MAN1A1: variants seen among roughly 807,000 people sequenced by gnomAD.
MAN1A1 encodes mannosyl-oligosaccharide 1,2-alpha-mannosidase IA.
Under a neutral mutation model 70.8 loss-of-function variants are expected in MAN1A1, and 29 were observed. The observed-to-expected ratio is 0.41, with a 90% CI of 0.31 to 0.56. MAN1A1 has a LOEUF of 0.56. Among genes scored for constraint, MAN1A1 ranks in the 20% least tolerant of loss-of-function variants. The pLI is 0.29. For synonymous variants in MAN1A1, 349 were observed against 330.1 expected (o/e 1.06, Z -0.62); for missense variants, 747 against 841.3 (o/e 0.89, Z 1.39).
intron 2 of MAN1A1, among the ~76,000 whole-genome samples, chr6:119,308,352 A>C (rs1358993516): frequency 6.6e-6 from 1 of 152,216 alleles, no homozygotes; most frequent in Non-Finnish European, 1.5e-5. Context: ...AACAATCAAA[A>C]GAATGTGTAT....
chr6:119,276,576 G>A (rs1025027171), intron 5 of MAN1A1, among the ~76,000 whole-genome samples: 4 of 152,088 alleles, frequency 2.6e-5, no homozygotes, highest in Admixed American at 6.6e-5. Context: ...AGCATTAGAC[G>A]GCAGAAACTC....
At chr6:119,340,775 C>T (rs867374329) in intron 2 of MAN1A1, among the ~76,000 whole-genome samples, 3 of 152,164 alleles carry the variant, frequency 2.0e-5, no homozygotes, top group Non-Finnish European at 2.9e-5. Flanking sequence ...CAAGACAGGA[C>T]GATCTAATTA....
At chr6:119,347,171 T>C (rs1773751603) in intron 2 of MAN1A1, among the ~76,000 whole-genome samples, 1 of 152,212 alleles carries the variant, frequency 6.6e-6, no homozygotes, top group Non-Finnish European at 1.5e-5. Context: ...AAGTCCACTT[T>C]AACTTGCTCA....
intron 12 of MAN1A1, 27 bp from the exon 13 acceptor site, chr6:119,179,972 G>C: frequency 1.2e-6 from 2 of 1,610,050 alleles, no homozygotes; most frequent in Non-Finnish European, 1.7e-6. Flanking sequence ...AAGTATATGA[G>C]GCCCAAGACA....
intron 7 of MAN1A1, 133 bp downstream of exon 7, chr6:119,204,626 T>C (rs1773807147): frequency 6.3e-6 from 7 of 1,105,616 alleles, no homozygotes; most frequent in African/African-American, 1.6e-5. Flanking sequence ...ATGCTGCATG[T>C]TGCAAAACTT....
chr6:119,300,046 A>C lies in MAN1A1; in HGVS notation c.816+1942T>G, dbSNP rs1477922579. Among the ~76,000 whole-genome samples the C allele has an allele frequency of 2.6e-5, 4 of 152,158 alleles. No individual in the cohort carries two copies. In the East Asian group the frequency reaches 5.8e-4, roughly 22 times the overall value. On this transcript the variant is annotated intron_variant, in intron 4 of 12. Transcript: ENST00000368468. ...CCAAGATTCAGTAAGAAACTTGGAC[A>C]CTATTCATAAGTCAAGTGTTACTAA...
chr6:119,247,272 A>G lies in MAN1A1; in HGVS notation c.992+988T>C, dbSNP rs371082392. On this transcript the variant is annotated intron_variant, in intron 6 of 12. Coordinates refer to ENST00000368468, the MANE Select transcript of MAN1A1 (RefSeq NM_005907.4). ...CATATGCATCGATGTGCGTATAGAC[A>G]TCTAAGTACATATTCTAGCTCTACC... Among the ~76,000 whole-genome samples, 7 of 152,218 alleles carry G rather than the reference A, an allele frequency of 4.6e-5. No individual in the cohort carries two copies. In the South Asian group the frequency reaches 1.2e-3, roughly 27 times the overall value.
At chr6:119,266,770 T>C (rs1174693284) in intron 5 of MAN1A1, among the ~76,000 whole-genome samples, 1 of 152,126 alleles carries the variant, frequency 6.6e-6, no homozygotes. Context: ...AAAACTGCTC[T>C]GCAAAAGACA....
intron 2 of MAN1A1, among the ~76,000 whole-genome samples, chr6:119,334,816 A>C (rs1773410725): frequency 1.3e-5 from 2 of 152,218 alleles, no homozygotes. Context: ...TTATCTCTGA[A>C]TGAAACATTT....
intron 5 of MAN1A1, among the ~76,000 whole-genome samples, chr6:119,265,341 T>C (rs9489643): frequency 0.055 from 8,403 of 152,138 alleles, 334 homozygotes; most frequent in African/African-American, 0.1. Flanking sequence ...CCAAGTGATC[T>C]TCCTGCCTTG....
intron 3 of MAN1A1, among the ~76,000 whole-genome samples, chr6:119,302,891 C>A (rs1772431368): frequency 1.3e-5 from 2 of 152,194 alleles, no homozygotes; most frequent in South Asian, 2.1e-4. Context: ...TACCCTCCAT[C>A]CCCTACAAGT....
chr6:119,188,696 G>C, intron 10 of MAN1A1, 119 bp from the exon 11 acceptor site: 1 of 912,414 alleles, frequency 1.1e-6, no homozygotes, highest in Admixed American at 2.4e-5. Flanking sequence ...ACTGGTTCCA[G>C]GACCCTCCGA....
intron 11 of MAN1A1, among the ~76,000 whole-genome samples, chr6:119,183,900 C>A (rs935715766): frequency 6.6e-6 from 1 of 151,568 alleles, no homozygotes; most frequent in African/African-American, 2.4e-5. Context: ...TGGGGTTGTA[C>A]GTGAGAATAA....
chr6:119,253,247 TCTG>T (rs1375456257), intron 5 of MAN1A1, among the ~76,000 whole-genome samples: 1 of 152,106 alleles, frequency 6.6e-6, no homozygotes, highest in East Asian at 1.9e-4. Context: ...TGTTTGGTGG[TCTG>T]CTGCCGGTGA....
chr6:119,256,952 T>C (rs961952756), intron 5 of MAN1A1, among the ~76,000 whole-genome samples: 5 of 152,086 alleles, frequency 3.3e-5, no homozygotes, highest in African/African-American at 1.2e-4. Flanking sequence ...TAAAACCATA[T>C]AAGCATAAGA....
chr6:119,280,275 A>G (rs1776195773), intron 5 of MAN1A1, among the ~76,000 whole-genome samples: 1 of 152,248 alleles, frequency 6.6e-6, no homozygotes, highest in Non-Finnish European at 1.5e-5. Flanking sequence ...GCTGGGAGCC[A>G]GAATGCCCAA....
chr6:119,226,891 G>A (rs1774531238), intron 6 of MAN1A1, among the ~76,000 whole-genome samples: 1 of 152,032 alleles, frequency 6.6e-6, no homozygotes, highest in Non-Finnish European at 1.5e-5. Flanking sequence ...AGCTGGTCTT[G>A]AACTCCTGGC....
chr6:119,291,887 T>C (rs887261402), intron 4 of MAN1A1, among the ~76,000 whole-genome samples: 1 of 152,080 alleles, frequency 6.6e-6, no homozygotes, highest in Non-Finnish European at 1.5e-5. Context: ...TGTGCTAATG[T>C]CTTTATATAG....
intron 5 of MAN1A1, among the ~76,000 whole-genome samples, chr6:119,290,403 C>A (rs982235983): frequency 3.3e-5 from 5 of 151,994 alleles, no homozygotes; most frequent in African/African-American, 1.2e-4. Flanking sequence ...TGTCCATAGG[C>A]ACATATAATT....
Sources: gnomAD v4.1 joint callset for allele counts (sites outside exome capture counted in the v4.1 genomes callset) on GRCh38, gnomAD v4.1.1 for gene constraint, MANE v1.5 for transcripts, NCBI Gene and HGNC (gene_info 2026-07-23, HGNC 2026-07-21) for gene names.